The following MEGF6 variants were observed in gnomAD, a reference collection of about 807,000 sequenced individuals.
MEGF6 encodes the protein multiple epidermal growth factor-like domains protein 6.
In MEGF6, 184 loss-of-function variants were observed where a neutral mutation model predicts 207.1. The observed-to-expected ratio is 0.89, with a 90% CI of 0.79 to 1.00. The LOEUF (loss-of-function observed/expected upper bound fraction) is 1.00, where lower values mean the gene tolerates loss of function less well. Ranked by LOEUF, MEGF6 falls within the 50% of genes least tolerant of loss-of-function variation. The pLI, the probability that MEGF6 is intolerant of heterozygous loss-of-function variation, is 0.00. For synonymous variants in MEGF6, 1,038 were observed against 910.0 expected, an observed-to-expected ratio of 1.14 and a Z score of -2.53; for missense variants, 2,282 against 2,202.9, an observed-to-expected ratio of 1.04 and a Z score of -0.72.
Position 3,494,654 on chromosome 1 carries a change from C to A in MEGF6, c.3959G>T (p.Cys1320Phe). The change falls in exon 31 of 37, where the codon TGC (cysteine) becomes TTC (phenylalanine). Residue 1320 changes from cysteine (C) to phenylalanine (F), a missense_variant. Physicochemically the swap from Cys to Phe is radical, Grantham distance 205 (BLOSUM62 -2). Coordinates refer to ENST00000356575, the MANE Select transcript of MEGF6 (RefSeq NM_001409.4). ...CCCCGTCCAGCCCAGGCCACAGGAG[C>A]AGCTGCCGTTGCTGGCGTGGCACAG... ...GGLCHASNGS[C>F]SCGLGWTGRH... 2 of 1,565,520 alleles carry A rather than the reference C, an allele frequency of 1.3e-6. No individual in the cohort carries two copies. Among genetic ancestry groups the A allele is most frequent in the Non-Finnish European group, 1.7e-6 (2 of 1,156,590 alleles).
At chr1:3,595,302 G>A (rs1211256178) in intron 3 of MEGF6, 36 bp downstream of exon 3, 9 of 1,477,540 alleles carry the variant, frequency 6.1e-6, no homozygotes, top group South Asian at 3.4e-5. Flanking sequence ...TGGGGTGGAG[G>A]TGGAGGGAGG....
Position 3,507,839 on chromosome 1 carries a change from GC to G in MEGF6, c.1744del (p.Ala582ProfsTer129), listed in dbSNP as rs1401966800. ...NGGTCDSVTG[A>X]CRCPPGVSGT... is the part of the protein sequence containing the mutation. ...ACTGACACCCGGGGGGCAGCGGCAG[GC>G]CCCCGTGACAGAGTCGCAGGTCCCA... On this transcript the variant is annotated frameshift_variant, in exon 14 of 37. Transcript: ENST00000356575. LOFTEE classifies it high-confidence loss of function. 1 of 1,612,622 alleles carries G rather than the reference GC, an allele frequency of 6.2e-7. No individual in the cohort carries two copies. Among genetic ancestry groups the G allele is most frequent in the African/African-American group, 1.3e-5 (1 of 74,896 alleles).
At chr1:3,540,389 T>C (rs1255584589) in intron 4 of MEGF6, among the ~76,000 whole-genome samples, 1 of 152,208 alleles carries the variant, frequency 6.6e-6, no homozygotes, top group Non-Finnish European at 1.5e-5. Context: ...AGCTGAAGAA[T>C]GTTGGCCTGG....
chr1:3,587,441 ATG>A (rs1227050375), intron 3 of MEGF6, among the ~76,000 whole-genome samples: 5 of 152,246 alleles, frequency 3.3e-5, no homozygotes, highest in Non-Finnish European at 7.3e-5. Context: ...CCGGTGTTCA[ATG>A]TGACTTTGTT....
intron 4 of MEGF6, among the ~76,000 whole-genome samples, chr1:3,544,280 A>G (rs115145740): frequency 0.013 from 1,798 of 133,592 alleles, 13 homozygotes; most frequent in Middle Eastern, 0.036. Context: ...CCTCAGCATC[A>G]CAGCAGCCAG....
At chr1:3,500,255 C>T (rs1640798086) in intron 21 of MEGF6, among the ~76,000 whole-genome samples, 1 of 152,222 alleles carries the variant, frequency 6.6e-6, no homozygotes, top group African/African-American at 2.4e-5. Context: ...CCTAAGCAGA[C>T]CCCTTCTCCA....
intron 4 of MEGF6, among the ~76,000 whole-genome samples, chr1:3,548,593 C>G (rs941075527): frequency 1.3e-5 from 2 of 152,238 alleles, no homozygotes; most frequent in African/African-American, 4.8e-5. Flanking sequence ...AGCAGCCCCT[C>G]CTCTGGTGTG....
chr1:3,540,586 C>T (rs2101499298), intron 4 of MEGF6, among the ~76,000 whole-genome samples: 1 of 152,372 alleles, frequency 6.6e-6, no homozygotes, highest in East Asian at 1.9e-4. Flanking sequence ...GCTGCTCCTA[C>T]AGGACGCCTT....
intron 6 of MEGF6, 55 bp downstream of exon 6, chr1:3,515,347 G>A: frequency 1.3e-6 from 2 of 1,563,236 alleles, no homozygotes; most frequent in Non-Finnish European, 1.7e-6. Flanking sequence ...CCCAGGCGAG[G>A]CAGCTTGTCC....
At chr1:3,616,139 A>G (rs6693192), upstream of MEGF6, among the ~76,000 whole-genome samples, 107,195 of 151,764 alleles carry the variant, frequency 0.71, 38,136 homozygotes, top group East Asian at 0.77. Flanking sequence ...ACTGCTCCCC[A>G]TGTCCGGTCC....
chr1:3,490,980 G>A (rs1373636078), intron 35 of MEGF6, 21 bp from the exon 36 acceptor site: 2 of 1,580,248 alleles, frequency 1.3e-6, no homozygotes, highest in Non-Finnish European at 1.7e-6. Flanking sequence ...GAGAGAGCAG[G>A]CCATGTTAGT....
rs756911824 is a variant in MEGF6 at position 3,493,978 on chromosome 1, G to T, written c.4258+18C>A. 1 of 1,591,016 alleles carries T rather than the reference G, an allele frequency of 6.3e-7. No individual in the cohort carries two copies. Among genetic ancestry groups the T allele is most frequent in the Non-Finnish European group, 8.5e-7 (1 of 1,169,932 alleles). ...CGGGGCCAGGGAGCGGGGGTTCAGG[G>T]AGGCACCAAGCACTCACCCCTCTCA... On this transcript the variant is annotated intron_variant, in intron 33 of 36. Coordinates refer to ENST00000356575, the MANE Select transcript of MEGF6 (RefSeq NM_001409.4).
rs759778457 is a variant in MEGF6 at position 3,531,255 on chromosome 1, G to A, written c.482-7009C>T. 1.9e-5 allele frequency: 26 copies of A among 1,378,290 alleles called. No homozygotes were observed. In the Middle Eastern group the frequency reaches 7.9e-4, roughly 42 times the overall value. 85.4% of individuals were successfully genotyped at this position (1,378,290 alleles called of 1,614,324 possible). On this transcript the variant is annotated intron_variant, in intron 4 of 36. Coordinates refer to ENST00000356575, the MANE Select transcript of MEGF6 (RefSeq NM_001409.4). The stretch of plus-strand genomic sequence containing the variant: ...CCCGGGACGCCCCCATGGCCTGGTA[G>A]GCCGGCGGGCGGGAGGGGGCGAGGA...
intron 4 of MEGF6, among the ~76,000 whole-genome samples, chr1:3,577,289 G>A (rs1030834185): frequency 5.3e-5 from 8 of 152,190 alleles, no homozygotes; most frequent in Non-Finnish European, 8.8e-5. Flanking sequence ...CCACAGGGGA[G>A]GATGCTCCTG....
At chr1:3,509,713 C>A (rs988314731) in intron 11 of MEGF6, among the ~76,000 whole-genome samples, 157 bp downstream of exon 11, 1 of 152,230 alleles carries the variant, frequency 6.6e-6, no homozygotes, top group Admixed American at 6.5e-5. Context: ...TCCCCAAGGG[C>A]CCAAGAGCCT....
At chr1:3,579,304 C>G (rs1369815052) in intron 4 of MEGF6, among the ~76,000 whole-genome samples, 1 of 152,250 alleles carries the variant, frequency 6.6e-6, no homozygotes, top group Non-Finnish European at 1.5e-5. Flanking sequence ...TTCAGCCCAT[C>G]CCCACTCCCT....
At chr1:3,620,905 T>C in the MEGF6 span, among the ~76,000 whole-genome samples, 14 of 152,306 alleles carry the variant, frequency 9.2e-5, no homozygotes, top group Non-Finnish European at 1.6e-4. Context: ...GGTTCACATG[T>C]CCACTGGACA....
chr1:3,605,846 A>C (rs1024485047), intron 1 of MEGF6, among the ~76,000 whole-genome samples: 4 of 152,204 alleles, frequency 2.6e-5, no homozygotes, highest in Non-Finnish European at 5.9e-5. Flanking sequence ...CCCTCCTGTC[A>C]GGGGCGGAGG....
chr1:3,561,996 G>A (rs1025723189), intron 4 of MEGF6, among the ~76,000 whole-genome samples: 2 of 152,186 alleles, frequency 1.3e-5, no homozygotes, highest in Admixed American at 6.5e-5. Flanking sequence ...TTCCTGGGAC[G>A]TTTCATTCTT....
Sources: allele counts gnomAD v4.1 joint callset (sites outside exome capture counted in the v4.1 genomes callset), GRCh38; gene constraint gnomAD v4.1.1; transcripts MANE v1.5; gene names NCBI Gene and HGNC (gene_info 2026-07-23, HGNC 2026-07-21).